MTMR9: variants seen among roughly 807,000 people sequenced by gnomAD.
MTMR9 encodes the protein myotubularin related protein 9.
MTMR9 carries 39 observed loss-of-function variants against 69.5 expected under a neutral mutation model. The observed-to-expected ratio is 0.56, with a 90% CI of 0.43 to 0.73. MTMR9 has a LOEUF of 0.73. MTMR9 is among the 30% of genes least tolerant of loss of function. MTMR9 has a pLI of 0.00. For synonymous variants in MTMR9, 354 were observed against 240.8 expected (o/e 1.47, Z -4.35); for missense variants, 900 against 671.2 (o/e 1.34, Z -3.77).
chr8:11,287,802 T>TAATATATAATATATAACATTATATATTA (rs374899211), intron 1 of MTMR9, among the ~76,000 whole-genome samples: 8 of 24,738 alleles, frequency 3.2e-4, no homozygotes, highest in South Asian at 1.8e-3. Flanking sequence ...ATAATACATA[T>TAATATATAATATATAACATTATATATTA]TATATAATAC....
intron 1 of MTMR9, among the ~76,000 whole-genome samples, chr8:11,288,097 A>T (rs1474973311): frequency 1.5e-5 from 2 of 132,128 alleles, no homozygotes; most frequent in Admixed American, 1.7e-4. Flanking sequence ...ATATATAATT[A>T]TTCACCTAAT....
intron 6 of MTMR9, among the ~76,000 whole-genome samples, chr8:11,313,199 T>C (rs906986290): frequency 6.6e-6 from 1 of 152,254 alleles, no homozygotes; most frequent in African/African-American, 2.4e-5. Flanking sequence ...CAGCCTCTGC[T>C]AGTTTCCAAC....
chr8:11,289,621 G>A (rs911713482), intron 1 of MTMR9, among the ~76,000 whole-genome samples: 1 of 151,878 alleles, frequency 6.6e-6, no homozygotes. Flanking sequence ...CCCGTTTCCT[G>A]CCTCATCCAC....
At chr8:11,329,524 C>T (rs113152939), downstream of MTMR9, among the ~76,000 whole-genome samples, 5 of 152,244 alleles carry the variant, frequency 3.3e-5, no homozygotes, top group Admixed American at 2.6e-4. Context: ...CTGTGTTGGC[C>T]GGGCTGGTAT....
intron 9 of MTMR9, chr8:11,320,122 G>C (rs1800612802): frequency 3.5e-6 from 1 of 289,076 alleles, no homozygotes; most frequent in Non-Finnish European, 6.4e-6. Context: ...CTTTGCCTAA[G>C]AGAGTTGGTA....
intron 6 of MTMR9, among the ~76,000 whole-genome samples, chr8:11,310,483 T>C (rs1183169771): frequency 1.3e-5 from 2 of 152,182 alleles, no homozygotes; most frequent in African/African-American, 4.8e-5. Flanking sequence ...GTTATGGTTA[T>C]AGAGAAATTC....
chr8:11,338,429 C>A, the MTMR9 span, among the ~76,000 whole-genome samples: 1 of 152,178 alleles, frequency 6.6e-6, no homozygotes, highest in Admixed American at 6.5e-5. Context: ...GGAAGTGGCT[C>A]TATTGAACCG....
rs77679971 is a variant in MTMR9 at position 11,303,189 on chromosome 8, C to G, written c.418-1652C>G. ...AGGTGAGAGGAGGACACTTGGCCTACTAGATACCAAACTTATTTTAAAAGC... is the reference window on the plus strand; with the variant it reads ...AGGTGAGAGGAGGACACTTGGCCTAGTAGATACCAAACTTATTTTAAAAGC... On this transcript the variant is annotated intron_variant, in intron 3 of 9. Coordinates refer to ENST00000221086, the MANE Select transcript of MTMR9 (RefSeq NM_015458.4). Among the ~76,000 whole-genome samples, 57 of 147,562 alleles carry G rather than the reference C, an allele frequency of 3.9e-4. No individual in the cohort carries two copies. In the East Asian group the frequency reaches 0.011, roughly 28 times the overall value.
Position 11,322,642 on chromosome 8 carries a change from A to G in MTMR9, c.1504A>G (p.Asn502Asp). 1 of 1,613,696 alleles carries G rather than the reference A, an allele frequency of 6.2e-7. No homozygotes were observed. Residue 502 changes from asparagine to aspartate, a missense_variant, in exon 10 of 10, where the codon AAT becomes GAT. By Grantham distance (23) the Asn-to-Asp change is conservative. Coordinates refer to ENST00000221086, the MANE Select transcript of MTMR9 (RefSeq NM_015458.4). ...PLWEGIFLRW[N>D]RSSKYLDEAY... Reference sequence around the variant, plus strand: ...TTCAATAGGTATTTTCCTACGTTGGAATAGATCCTCTAAGTATTTGGATGA... The same window carrying G: ...TTCAATAGGTATTTTCCTACGTTGGGATAGATCCTCTAAGTATTTGGATGA...
the MTMR9 span, among the ~76,000 whole-genome samples, chr8:11,335,791 C>T: frequency 3.3e-5 from 5 of 152,316 alleles, no homozygotes; most frequent in East Asian, 1.9e-4. Flanking sequence ...TCCCTGTGTG[C>T]ATGTCTCTGT....
chr8:11,314,291 C>G (rs1386596326), intron 6 of MTMR9, among the ~76,000 whole-genome samples: 7 of 152,134 alleles, frequency 4.6e-5, no homozygotes, highest in Non-Finnish European at 7.4e-5. Flanking sequence ...TTCTTTCATT[C>G]TCTTTAGAAT....
rs773247713 is a variant in MTMR9, at chr8:11,306,400, A to C, written c.802A>C (p.Ile268Leu). The change falls in exon 5 of 10, where the codon ATT (isoleucine) becomes CTT (leucine). Residue 268 changes from isoleucine to leucine, a missense_variant. Transcript: ENST00000221086. ...YPQWRRIHKSIERYHILQESL... is the reference protein window; with the variant it reads ...YPQWRRIHKSLERYHILQESL... ...TCAGTGGAGGCGAATTCATAAGTCC[A>C]TTGAGAGGTAAAAGATTCCAAAGAT... 1 of 1,613,846 alleles carries C rather than the reference A, an allele frequency of 6.2e-7. No individual in the cohort carries two copies. Among genetic ancestry groups the C allele is most frequent in the East Asian group, 2.2e-5 (1 of 44,878 alleles).
Position 11,304,858 on chromosome 8 carries a change from A to T in MTMR9, c.435A>T (p.Leu145=), listed in dbSNP as rs147471568. The T allele has an allele frequency of 2.5e-6, 4 of 1,613,888 alleles. No homozygotes were observed. Among genetic ancestry groups the T allele is most frequent in the African/African-American group, 2.7e-5 (2 of 74,902 alleles). ...TTTTTCAGACCAGTGAATGGAGGCT[A>T]AGCTATGTCAATAAGGAATTTGCTG... ...LYSSATSEWR[L]SYVNKEFAVC... is the part of the protein sequence containing the mutation. The change falls in exon 4 of 10, where the codon CTA becomes CTT. Residue 145 remains leucine, a synonymous_variant. Transcript: ENST00000221086.
chr8:11,308,964 T>C (rs1800078531), intron 5 of MTMR9, among the ~76,000 whole-genome samples: 1 of 152,200 alleles, frequency 6.6e-6, no homozygotes. Context: ...TTGCTACATA[T>C]ACTTATATTT....
At chr8:11,295,718 T>C (rs1260734144) in intron 2 of MTMR9, among the ~76,000 whole-genome samples, 1 of 152,264 alleles carries the variant, frequency 6.6e-6, no homozygotes, top group Non-Finnish European at 1.5e-5. Flanking sequence ...TATACAAAGC[T>C]CTGTGCCAAA....
chr8:11,300,049 T>G lies in MTMR9; in HGVS notation c.318T>G (p.Thr106=), dbSNP rs759443666. Reference sequence around the variant, plus strand: ...CATTGTCTACTCTGGACTCCATCACTCTGATGTACCCTTTCTTTTACCGTC... The same window carrying G: ...CATTGTCTACTCTGGACTCCATCACGCTGATGTACCCTTTCTTTTACCGTC... ...IEALSTLDSI[T]LMYPFFYRPM... is the part of the protein sequence containing the mutation. The change falls in exon 3 of 10, where the codon ACT becomes ACG. Residue 106 remains threonine, a synonymous_variant. Coordinates refer to ENST00000221086, the MANE Select transcript of MTMR9 (RefSeq NM_015458.4). 1.2e-6 allele frequency: 2 copies of G among 1,613,560 alleles called. No individual in the cohort carries two copies. Among genetic ancestry groups the G allele is most frequent in the Non-Finnish European group, 1.7e-6 (2 of 1,179,630 alleles).
chr8:11,299,326 A>C (rs927811299), intron 2 of MTMR9, among the ~76,000 whole-genome samples: 2 of 152,214 alleles, frequency 1.3e-5, no homozygotes, highest in African/African-American at 2.4e-5. Flanking sequence ...ACTCTGTCTC[A>C]GAATAAAAGT....
intron 6 of MTMR9, 36 bp from the exon 7 acceptor site, chr8:11,314,887 T>G (rs2280802): frequency 6.2e-7 from 1 of 1,604,544 alleles, no homozygotes; most frequent in African/African-American, 1.3e-5. Context: ...ATGTTGGACA[T>G]TTCCCATTTG....
rs1160456128 is a variant in MTMR9, at chr8:11,285,078, C to G, written c.182+8C>G. The G allele has an allele frequency of 6.4e-7, 1 of 1,565,892 alleles. No individual in the cohort carries two copies. Among genetic ancestry groups the G allele is most frequent in the East Asian group, 2.4e-5 (1 of 41,056 alleles). ...CGACGCCATCGACAAGCGGTGAGTG[C>G]CCGCCCCACCCCAGCTCCGCAGGGA... On this transcript the variant is annotated splice_region_variant and intron_variant, in intron 1 of 9. Coordinates refer to ENST00000221086, the MANE Select transcript of MTMR9 (RefSeq NM_015458.4).
Sources: allele counts gnomAD v4.1 joint callset (sites outside exome capture counted in the v4.1 genomes callset), GRCh38; gene constraint gnomAD v4.1.1; transcripts MANE v1.5; gene names NCBI Gene and HGNC (gene_info 2026-07-23, HGNC 2026-07-21).